Variants in NUP98 observed in about 807,000 individuals in gnomAD.
The protein encoded by NUP98 is nucleoporin 98 and 96 precursor.
A neutral mutation model predicts 191.9 loss-of-function variants in NUP98; 26 were observed. That is an observed-to-expected ratio of 0.14 (90% CI 0.10 to 0.19). The LOEUF is 0.19. Among genes scored for constraint, NUP98 ranks in the 10% least tolerant of loss-of-function variants. NUP98 has a pLI of 1.00. For synonymous variants in NUP98, 808 were observed against 778.4 expected (o/e 1.04, Z -0.63); for missense variants, 1,941 against 2,178.8 (o/e 0.89, Z 2.17).
chr11:3,739,903 C>T (rs1241319562), intron 12 of NUP98, among the ~76,000 whole-genome samples: 2 of 152,182 alleles, frequency 1.3e-5, no homozygotes, highest in African/African-American at 4.8e-5. Context: ...GCAAGACCAA[C>T]ACCTTCCTCC....
chr11:3,703,408 G>C (rs1051178717), intron 22 of NUP98, among the ~76,000 whole-genome samples: 1 of 152,040 alleles, frequency 6.6e-6, no homozygotes, highest in Admixed American at 6.6e-5. Flanking sequence ...AGTAGAGACA[G>C]AGTTTCACCA....
intron 28 of NUP98, 56 bp from the exon 29 acceptor site, chr11:3,686,250 T>TA: frequency 6.8e-7 from 1 of 1,479,580 alleles, no homozygotes; most frequent in Non-Finnish European, 9.4e-7. Flanking sequence ...CCTGGACTGA[T>TA]ATGTCAACTG....
At chr11:3,760,258 T>C (rs1564895823) in intron 10 of NUP98, 1 of 462,216 alleles carries the variant, frequency 2.2e-6, no homozygotes, top group Non-Finnish European at 3.8e-6. Context: ...GTTTCCTTTA[T>C]GGTTTCTCAG....
At chr11:3,707,633 A>G (rs371460294) in intron 20 of NUP98, among the ~76,000 whole-genome samples, 3 of 150,680 alleles carry the variant, frequency 2.0e-5, no homozygotes, top group African/African-American at 7.3e-5. Flanking sequence ...CTGGGATTAC[A>G]GGCACATGCC....
At chr11:3,789,839 C>A (rs908995728) in intron 1 of NUP98, among the ~76,000 whole-genome samples, 1 of 152,052 alleles carries the variant, frequency 6.6e-6, no homozygotes, top group African/African-American at 2.4e-5. Flanking sequence ...GAGTGCAGTG[C>A]AGTGGCATGA....
chr11:3,751,124 C>G (rs4910711), intron 11 of NUP98, among the ~76,000 whole-genome samples: 1 of 151,938 alleles, frequency 6.6e-6, no homozygotes, highest in Non-Finnish European at 1.5e-5. Context: ...TTTGGGAGGC[C>G]GAGGCGGGCA....
At chr11:3,732,720 C>T (rs2079893213) in intron 13 of NUP98, among the ~76,000 whole-genome samples, 1 of 152,194 alleles carries the variant, frequency 6.6e-6, no homozygotes. Context: ...TCTACAACAT[C>T]CTGAGGATGT....
In NUP98 at chr11:3,706,113, G is replaced by T. The variant is rs534375885; in HGVS notation, c.2925+332C>A. 3.1e-4 allele frequency among the ~76,000 whole-genome samples: 47 copies of T among 151,812 alleles called. No homozygotes were observed. The South Asian group carries it at 5.6e-3, about 18-fold the overall frequency. On this transcript the variant is annotated intron_variant, in intron 21 of 32. Coordinates refer to ENST00000324932, the MANE Select transcript of NUP98 (RefSeq NM_016320.5). Reference sequence around the variant, plus strand: ...GAACCCAGGAGGTGGAGGTTGCAGTGAACCAAGATCACACCACTCCACTCC... The same window carrying T: ...GAACCCAGGAGGTGGAGGTTGCAGTTAACCAAGATCACACCACTCCACTCC...
intron 28 of NUP98, among the ~76,000 whole-genome samples, chr11:3,690,259 A>AT (rs199799610): frequency 0.051 from 7,038 of 138,066 alleles, 357 homozygotes; most frequent in East Asian, 0.27. Context: ...GGCTGTCTGC[A>AT]TTTTTTTTTT....
chr11:3,726,399 A>C (rs777672735), intron 14 of NUP98, among the ~76,000 whole-genome samples: 2 of 150,352 alleles, frequency 1.3e-5, no homozygotes, highest in Non-Finnish European at 3.0e-5. Flanking sequence ...CAATAATGCC[A>C]TAAGTTAGTT....
chr11:3,761,687 G>A (rs2081174885), intron 9 of NUP98, among the ~76,000 whole-genome samples: 1 of 152,176 alleles, frequency 6.6e-6, no homozygotes, highest in African/African-American at 2.4e-5. Context: ...GAACCCGGGA[G>A]GCAGAGGTTG....
chr11:3,705,594 T>C (rs997691706), intron 21 of NUP98, among the ~76,000 whole-genome samples: 1 of 152,218 alleles, frequency 6.6e-6, no homozygotes, highest in African/African-American at 2.4e-5. Flanking sequence ...ACACAGCAGT[T>C]GCTATGTTTG....
chr11:3,719,767 T>C (rs1355728821), intron 17 of NUP98, among the ~76,000 whole-genome samples: 2 of 151,934 alleles, frequency 1.3e-5, no homozygotes, highest in African/African-American at 4.8e-5. Context: ...TCTTTTCTTT[T>C]CTTTTCTTTT....
At chr11:3,710,308 A>T (rs1179486489) in intron 20 of NUP98, among the ~76,000 whole-genome samples, 1 of 152,234 alleles carries the variant, frequency 6.6e-6, no homozygotes, top group East Asian at 1.9e-4. Flanking sequence ...TTATCTGCCA[A>T]CCAACATTTT....
At chr11:3,683,109 TGA>T (rs1232953042) in intron 30 of NUP98, 89 bp downstream of exon 30, 3 of 1,550,578 alleles carry the variant, frequency 1.9e-6, no homozygotes, top group East Asian at 4.5e-5. Flanking sequence ...TGTCCTACGT[TGA>T]GTCTTATTTC....
chr11:3,713,890 C>T lies in NUP98; in HGVS notation c.2505G>A (p.Leu835=). 6.2e-7 allele frequency: 1 copy of T among 1,614,114 alleles called. No individual in the cohort carries two copies. The highest frequency in any genetic ancestry group is 8.5e-7 in the Non-Finnish European group (1 of 1,180,008). Residue 835 remains leucine (L), a synonymous_variant, in exon 19 of 33, where the codon TTG becomes TTA. Coordinates refer to ENST00000324932, the MANE Select transcript of NUP98 (RefSeq NM_016320.5). ...RLADINYEGR[L]EAVSRKQGAQ... The stretch of plus-strand genomic sequence containing the variant: ...CTCCCTGTTTCCTTGAAACTGCTTC[C>T]AATCTTCCTTCATAGTTGATATCAG...
chr11:3,732,204 C>T (rs2079876738), intron 13 of NUP98, among the ~76,000 whole-genome samples: 1 of 152,020 alleles, frequency 6.6e-6, no homozygotes, highest in African/African-American at 2.4e-5. Context: ...GCCGAGATCG[C>T]ACCACTGCAC....
Position 3,714,458 on chromosome 11 carries a change from C to T in NUP98, c.2400-463G>A, listed in dbSNP as rs374694323. Among the ~76,000 whole-genome samples, 218 of 152,324 alleles carry T rather than the reference C, an allele frequency of 1.4e-3. 3 individuals are homozygous for T. Among genetic ancestry groups the T allele is most frequent in the African/African-American group, 5.0e-3 (207 of 41,584 alleles). ...TGACTACAAGAGTGGTGGTGTACCA[C>T]TTCTAATATTAATACCAGAGTTCAA... On this transcript the variant is annotated intron_variant, in intron 18 of 32. Transcript: ENST00000324932.
At position 3,771,735 on chromosome 11, in the gene NUP98, A is replaced by G. The variant is rs891305561; in HGVS notation, c.784+13T>C. The G allele has an allele frequency of 1.2e-6, 2 of 1,611,810 alleles. No homozygotes were observed. ...TCTCCTCAGTATAATCTAACATGAT[A>G]TCAAGTGCTTACTAGTTCCAAAGGC... On this transcript the variant is annotated intron_variant, in intron 7 of 32. Coordinates refer to ENST00000324932, the MANE Select transcript of NUP98 (RefSeq NM_016320.5).
Sources: gnomAD v4.1 joint callset for allele counts (sites outside exome capture counted in the v4.1 genomes callset) on GRCh38, gnomAD v4.1.1 for gene constraint, MANE v1.5 for transcripts, NCBI Gene and HGNC (gene_info 2026-07-23, HGNC 2026-07-21) for gene names.